The following FAM107B variants were observed in gnomAD, a reference collection of about 807,000 sequenced individuals.
FAM107B encodes the protein family with sequence similarity 107 member B.
Under a neutral mutation model 31.5 loss-of-function variants are expected in FAM107B, and 21 were observed. The ratio of observed to expected loss-of-function variants is 0.67; its 90% CI spans 0.47 to 0.96. The LOEUF is 0.96. FAM107B is among the 40% of genes least tolerant of loss of function. FAM107B has a pLI of 0.00. For missense variants in FAM107B, 452 were observed against 377.1 expected, an observed-to-expected ratio of 1.20 and a Z score of -1.64; for synonymous variants, 157 against 141.5, an observed-to-expected ratio of 1.11 and a Z score of -0.78.
rs545313428 is a variant in FAM107B at position 14,627,348 on chromosome 10, C to T, written c.469+40286G>A. On this transcript the variant is annotated intron_variant, in intron 2 of 4. Coordinates refer to ENST00000181796, the MANE Select transcript of FAM107B (RefSeq NM_031453.4). Reference sequence around the variant, plus strand: ...ATTATCATTAGAATGGTTTTAGAAACGGACCATATGGATAAACAGACAGGA... The same window carrying T: ...ATTATCATTAGAATGGTTTTAGAAATGGACCATATGGATAAACAGACAGGA... 2.9e-4 allele frequency among the ~76,000 whole-genome samples: 44 copies of T among 152,288 alleles called. No homozygotes were observed. The South Asian group carries it at 7.9e-3, about 27-fold the overall frequency.
chr10:14,585,384 T>C (rs749232), intron 2 of FAM107B, among the ~76,000 whole-genome samples: 137,439 of 152,140 alleles, frequency 0.9, 62,243 homozygotes, highest in East Asian at 1. Context: ...TCAACCAGGC[T>C]GATGAGTAGA....
chr10:14,573,322 G>A (rs933252490), intron 2 of FAM107B, among the ~76,000 whole-genome samples: 1 of 152,084 alleles, frequency 6.6e-6, no homozygotes, highest in African/African-American at 2.4e-5. Context: ...GAAGACTTCG[G>A]CCCCCTTCCT....
At chr10:14,702,087 T>G (rs1375347577) in intron 1 of FAM107B, among the ~76,000 whole-genome samples, 1 of 152,256 alleles carries the variant, frequency 6.6e-6, no homozygotes, top group South Asian at 2.1e-4. Context: ...GATAAGTAAA[T>G]GCAAAAATGA....
At chr10:14,709,217 G>A (rs896857329) in intron 1 of FAM107B, among the ~76,000 whole-genome samples, 1 of 152,130 alleles carries the variant, frequency 6.6e-6, no homozygotes, top group African/African-American at 2.4e-5. Flanking sequence ...GACTGGAAAC[G>A]TATGTCCACA....
chr10:14,727,565 G>A (rs1273374286), intron 1 of FAM107B, among the ~76,000 whole-genome samples: 2 of 152,190 alleles, frequency 1.3e-5, no homozygotes, highest in Non-Finnish European at 2.9e-5. Context: ...TGACTCTTGG[G>A]AATTGGTGTA....
In FAM107B at chr10:14,726,648, C is replaced by A. The variant is rs1856042712; in HGVS notation, c.411+47605G>T. Among the ~76,000 whole-genome samples the A allele has an allele frequency of 2.0e-5, 3 of 152,118 alleles. No individual in the cohort carries two copies. The South Asian group carries it at 6.2e-4, about 32-fold the overall frequency. ...GCCAAATTTCTGCAAATGGCTTGAT[C>A]CTATGTAGGAAGTATTGCCCGAAAG... is the stretch of plus-strand genomic sequence containing the variant. On this transcript the variant is annotated intron_variant, in intron 1 of 4. Transcript: ENST00000181796.
intron 1 of FAM107B, among the ~76,000 whole-genome samples, chr10:14,720,442 CA>C (rs1855884309): frequency 1.3e-5 from 2 of 152,088 alleles, no homozygotes; most frequent in Admixed American, 6.5e-5. Context: ...TTAGTAGAGA[CA>C]GGGTTTTACC....
At chr10:14,569,389 C>A (rs1850991532) in intron 2 of FAM107B, among the ~76,000 whole-genome samples, 1 of 152,018 alleles carries the variant, frequency 6.6e-6, no homozygotes. Flanking sequence ...CTGCAGTTTG[C>A]ATTGTGCACA....
At chr10:14,573,618 C>T (rs1167647435) in intron 2 of FAM107B, among the ~76,000 whole-genome samples, 4 of 151,038 alleles carry the variant, frequency 2.6e-5, no homozygotes. Context: ...GTGGAATATG[C>T]CTGTAGTCCC....
At chr10:14,761,789 G>A (rs940653128) in intron 1 of FAM107B, among the ~76,000 whole-genome samples, 2 of 151,952 alleles carry the variant, frequency 1.3e-5, no homozygotes, top group East Asian at 1.9e-4. Flanking sequence ...GTAGAGGGGG[G>A]GGTTTCACCA....
At chr10:14,683,497 A>G (rs890956698) in intron 1 of FAM107B, among the ~76,000 whole-genome samples, 1 of 152,214 alleles carries the variant, frequency 6.6e-6, no homozygotes, top group African/African-American at 2.4e-5. Flanking sequence ...AGTTTGACGC[A>G]ATCTTTTGGC....
intron 2 of FAM107B, chr10:14,548,408 T>A (rs763894292): frequency 5.3e-5 from 52 of 985,424 alleles, no homozygotes; most frequent in Non-Finnish European, 5.8e-5. Flanking sequence ...TACACAGGTC[T>A]GTGAGGGTGC....
intron 2 of FAM107B, among the ~76,000 whole-genome samples, chr10:14,635,542 C>G (rs1853475653): frequency 6.6e-6 from 1 of 152,198 alleles, no homozygotes; most frequent in Admixed American, 6.5e-5. Flanking sequence ...AAGTTCTGCT[C>G]TACTCAAAAT....
chr10:14,696,672 G>C (rs192849359), intron 1 of FAM107B, among the ~76,000 whole-genome samples: 1 of 152,142 alleles, frequency 6.6e-6, no homozygotes, highest in East Asian at 1.9e-4. Context: ...CTTCTTCAGT[G>C]TTTGCAGTGT....
chr10:14,583,650 A>T (rs1473466027), intron 2 of FAM107B, among the ~76,000 whole-genome samples: 4 of 152,146 alleles, frequency 2.6e-5, no homozygotes, highest in Non-Finnish European at 4.4e-5. Context: ...ACGGAGGAAG[A>T]AGAAGAGGCT....
rs191116172 is a variant in FAM107B at position 14,645,244 on chromosome 10, G to A, written c.469+22390C>T. On this transcript the variant is annotated intron_variant, in intron 2 of 4. Coordinates refer to ENST00000181796, the MANE Select transcript of FAM107B (RefSeq NM_031453.4). ...CTGACTGTCCTTTCTGCCCAAGGGT[G>A]CAATTCACTTATTTGGCTACAAAAA... 1.7e-3 allele frequency among the ~76,000 whole-genome samples: 261 copies of A among 152,276 alleles called. 3 individuals carry two copies. Among genetic ancestry groups the A allele is most frequent in the Non-Finnish European group, 1.3e-3 (86 of 68,020 alleles).
intron 2 of FAM107B, among the ~76,000 whole-genome samples, chr10:14,633,019 T>C (rs1282904141): frequency 1.3e-5 from 2 of 152,024 alleles, no homozygotes; most frequent in Non-Finnish European, 2.9e-5. Flanking sequence ...GCCAACATGG[T>C]AAAACTCTGT....
At chr10:14,620,081 A>G (rs910872648) in intron 2 of FAM107B, among the ~76,000 whole-genome samples, 9 of 146,372 alleles carry the variant, frequency 6.1e-5, no homozygotes, top group East Asian at 2.0e-4. Flanking sequence ...GTGCAGTGGC[A>G]CAATCTCGGC....
At chr10:14,606,645 C>A (rs1001343459) in intron 2 of FAM107B, among the ~76,000 whole-genome samples, 2 of 152,056 alleles carry the variant, frequency 1.3e-5, no homozygotes, top group Non-Finnish European at 2.9e-5. Context: ...GTCTGGTGGC[C>A]TTATATAAGG....
Sources: gnomAD v4.1 joint callset for allele counts (sites outside exome capture counted in the v4.1 genomes callset) on GRCh38, gnomAD v4.1.1 for gene constraint, MANE v1.5 for transcripts, NCBI Gene and HGNC (gene_info 2026-07-23, HGNC 2026-07-21) for gene names.